BTRC: variants seen among roughly 807,000 people sequenced by gnomAD.
The protein encoded by BTRC is F-box/WD repeat-containing protein 1A.
Under a neutral mutation model 85.5 loss-of-function variants are expected in BTRC, and 42 were observed. That is an observed-to-expected ratio of 0.49 (90% confidence interval 0.38 to 0.64). BTRC has a LOEUF of 0.64. Ranked by LOEUF, BTRC falls within the 30% of genes least tolerant of loss-of-function variation. BTRC has a pLI of 0.00. For synonymous variants in BTRC, 255 were observed against 263.3 expected (o/e 0.97, Z 0.30); for missense variants, 594 against 743.5 (o/e 0.80, Z 2.34).
At chr10:101,475,073 A>G (rs1945641417) in intron 3 of BTRC, among the ~76,000 whole-genome samples, 2 of 152,240 alleles carry the variant, frequency 1.3e-5, no homozygotes, top group South Asian at 4.1e-4. Flanking sequence ...TGTTTGTGGA[A>G]TTAGACAACG....
At chr10:101,500,778 C>T (rs1467367472) in intron 4 of BTRC, among the ~76,000 whole-genome samples, 1 of 152,084 alleles carries the variant, frequency 6.6e-6, no homozygotes, top group South Asian at 2.1e-4. Flanking sequence ...TACCTGTGTA[C>T]CTGTCACTCA....
chr10:101,536,004 A>C (rs1186929744), intron 11 of BTRC, among the ~76,000 whole-genome samples: 6 of 152,274 alleles, frequency 3.9e-5, no homozygotes, highest in Non-Finnish European at 8.8e-5. Context: ...TAAGGAAATT[A>C]TTCCTAGAAA....
At chr10:101,436,910 T>C (rs936768347) in intron 2 of BTRC, among the ~76,000 whole-genome samples, 2 of 152,210 alleles carry the variant, frequency 1.3e-5, no homozygotes, top group African/African-American at 4.8e-5. Flanking sequence ...TTAGGCATTA[T>C]TCATTATATA....
intron 4 of BTRC, among the ~76,000 whole-genome samples, chr10:101,484,458 A>C (rs1227029060): frequency 1.3e-5 from 2 of 152,146 alleles, no homozygotes; most frequent in African/African-American, 4.8e-5. Context: ...CTTTTTTTCC[A>C]TGCTACTTGC....
At chr10:101,376,423 A>G (rs563904109) in intron 1 of BTRC, among the ~76,000 whole-genome samples, 3 of 152,332 alleles carry the variant, frequency 2.0e-5, no homozygotes, top group Non-Finnish European at 4.4e-5. Context: ...TTGGTTTCAG[A>G]AAACAATTTA....
At chr10:101,427,903 A>G (rs1250340834) in intron 1 of BTRC, among the ~76,000 whole-genome samples, 2 of 152,236 alleles carry the variant, frequency 1.3e-5, no homozygotes, top group Admixed American at 1.3e-4. Context: ...TAGCCTTAAG[A>G]AAATTTTAGT....
intron 1 of BTRC, among the ~76,000 whole-genome samples, chr10:101,427,111 T>G (rs1392067733): frequency 1.4e-5 from 2 of 142,622 alleles, no homozygotes; most frequent in African/African-American, 5.0e-5. Context: ...TCTTTTTTCT[T>G]TCTTTTTTTT....
chr10:101,410,617 C>CA (rs35411434), intron 1 of BTRC, among the ~76,000 whole-genome samples: 1 of 150,614 alleles, frequency 6.6e-6, no homozygotes, highest in East Asian at 1.9e-4. Context: ...CTGTCTTGGA[C>CA]AAAAAAAAGG....
intron 4 of BTRC, among the ~76,000 whole-genome samples, chr10:101,497,272 A>G (rs1946286308): frequency 6.6e-6 from 1 of 152,192 alleles, no homozygotes; most frequent in African/African-American, 2.4e-5. Flanking sequence ...ACTCTTCAAG[A>G]TTATCTTGGT....
At chr10:101,510,655 C>A (rs1271239639) in intron 4 of BTRC, among the ~76,000 whole-genome samples, 5 of 152,076 alleles carry the variant, frequency 3.3e-5, no homozygotes, top group African/African-American at 1.2e-4. Context: ...TTTCTCCTGG[C>A]CGCAGGAGCA....
chr10:101,428,822 CATT>C (rs1944325538), intron 1 of BTRC, among the ~76,000 whole-genome samples: 1 of 152,096 alleles, frequency 6.6e-6, no homozygotes. Flanking sequence ...ATTTGCAGCC[CATT>C]ATCTATCTAT....
intron 1 of BTRC, among the ~76,000 whole-genome samples, chr10:101,381,743 C>T (rs1274965757): frequency 1.3e-5 from 2 of 151,942 alleles, no homozygotes; most frequent in African/African-American, 4.8e-5. Context: ...TAACATTTTG[C>T]CACATTTGAC....
intron 1 of BTRC, among the ~76,000 whole-genome samples, chr10:101,364,060 G>A (rs1024296401): frequency 2.0e-5 from 3 of 152,106 alleles, no homozygotes; most frequent in African/African-American, 7.2e-5. Context: ...GGAGTAACTT[G>A]CACAATACTA....
intron 1 of BTRC, among the ~76,000 whole-genome samples, chr10:101,405,472 C>G (rs1162539022): frequency 1.3e-5 from 2 of 152,192 alleles, no homozygotes; most frequent in Non-Finnish European, 2.9e-5. Context: ...TCCTTCTGCA[C>G]TCCTTAAGCT....
intron 3 of BTRC, among the ~76,000 whole-genome samples, chr10:101,470,818 AT>A (rs1945505347): frequency 6.6e-6 from 1 of 152,132 alleles, no homozygotes; most frequent in South Asian, 2.1e-4. Flanking sequence ...GGGCTTCATT[AT>A]TTTTGCCGTA....
intron 2 of BTRC, among the ~76,000 whole-genome samples, chr10:101,456,759 A>C (rs1945094036): frequency 6.6e-6 from 1 of 152,184 alleles, no homozygotes; most frequent in African/African-American, 2.4e-5. Context: ...GTTAAATTCA[A>C]AGTTGACAGG....
chr10:101,378,817 C>T (rs1564737266), intron 1 of BTRC, among the ~76,000 whole-genome samples: 1 of 151,854 alleles, frequency 6.6e-6, no homozygotes, highest in African/African-American at 2.4e-5. Flanking sequence ...GTGCCCAGCC[C>T]CAGTTATAAC....
chr10:101,531,034 G>A (rs762230256), intron 6 of BTRC, among the ~76,000 whole-genome samples: 2 of 152,146 alleles, frequency 1.3e-5, no homozygotes, highest in Non-Finnish European at 2.9e-5. Context: ...TAGCCAGCAT[G>A]GTGGCAGATG....
At chr10:101,411,201 C>T (rs1943768919) in intron 1 of BTRC, among the ~76,000 whole-genome samples, 1 of 151,936 alleles carries the variant, frequency 6.6e-6, no homozygotes, top group Non-Finnish European at 1.5e-5. Context: ...ACCATGTTGG[C>T]CAGGCTGGTC....
Sources: allele counts gnomAD v4.1 joint callset (sites outside exome capture counted in the v4.1 genomes callset), GRCh38; gene constraint gnomAD v4.1.1; transcripts MANE v1.5; gene names NCBI Gene and HGNC (gene_info 2026-07-23, HGNC 2026-07-21).